The following NXF1 variants were observed in gnomAD, a reference collection of about 807,000 sequenced individuals.
NXF1 encodes the protein nuclear RNA export factor 1.
NXF1 carries 43 observed loss-of-function variants against 92.4 expected under a neutral mutation model. That is an observed-to-expected ratio of 0.47 (90% CI 0.36 to 0.60). The LOEUF (loss-of-function observed/expected upper bound fraction) is 0.60, where lower values mean the gene tolerates loss of function less well. NXF1 is among the 20% of genes least tolerant of loss of function. The probability of loss-of-function intolerance (pLI) is 0.00; values close to 1 mark genes in which losing one functional copy is unlikely to be tolerated. For missense variants in NXF1, 576 were observed against 793.0 expected (o/e 0.73, Z 3.29); for synonymous variants, 288 against 292.2 (o/e 0.99, Z 0.15).
rs1467806168 is a variant in NXF1 at position 62,795,941 on chromosome 11, G to A, written c.1464C>T (p.Ser488=). Residue 488 remains serine, a splice_region_variant and synonymous_variant, in exon 17 of 21, where the codon AGC becomes AGT. Transcript: ENST00000294172. ...CATTGACAGAAAAACACAGCAATGT[G>A]CTCTGAAAGAGAAGCAGCATCAGGT... ...SFVVDISAQT[S]TLLCFSVNGV... 3 of 1,613,814 alleles carry A rather than the reference G, an allele frequency of 1.9e-6. No homozygotes were observed. The highest frequency in any genetic ancestry group is 1.3e-5 in the African/African-American group (1 of 74,910).
chr11:62,800,621 T>G (rs955060031), intron 9 of NXF1, 135 bp from the exon 10 acceptor site: 40 of 561,282 alleles, frequency 7.1e-5, no homozygotes, highest in Middle Eastern at 4.9e-4. Context: ...TTTTTTTTTT[T>G]GGGACAGGGT....
At position 62,799,685 on chromosome 11, in the gene NXF1, G is replaced by C. The variant is rs887028394; in HGVS notation, c.1016+692C>G. 3 of 985,936 alleles carry C rather than the reference G, an allele frequency of 3.0e-6. No homozygotes were observed. In the African/African-American group the frequency reaches 5.2e-5, roughly 17 times the overall value. 61.1% of individuals were successfully genotyped at this position (985,936 alleles called of 1,614,324 possible). On this transcript the variant is annotated intron_variant, in intron 10 of 20. Transcript: ENST00000294172. Reference sequence around the variant, plus strand: ...TGTCTCCTTGGTAGCCTATGCCCCCGTGGCCTCCACGCCCAGCACCTGCCT... The same window carrying C: ...TGTCTCCTTGGTAGCCTATGCCCCCCTGGCCTCCACGCCCAGCACCTGCCT...
At chr11:62,802,499 C>T (rs766379940) in intron 3 of NXF1, among the ~76,000 whole-genome samples, 16 of 152,194 alleles carry the variant, frequency 1.1e-4, no homozygotes, top group Non-Finnish European at 1.6e-4. Flanking sequence ...TGCAGTGGTG[C>T]GATCATAGCT....
intron 9 of NXF1, 38 bp downstream of exon 9, chr11:62,801,056 C>T (rs1712453344): frequency 3.4e-6 from 5 of 1,476,240 alleles, no homozygotes; most frequent in Non-Finnish European, 3.8e-6. Context: ...ACCCTCTACC[C>T]ACCCCTTCAA....
intron 10 of NXF1, chr11:62,799,395 A>G: frequency 1.0e-6 from 1 of 985,684 alleles, no homozygotes; most frequent in Non-Finnish European, 1.2e-6. Context: ...TGGGAAGCAA[A>G]GCAGCCATGG....
chr11:62,792,363 G>A lies in NXF1; in HGVS notation c.*113C>T, dbSNP rs1590947063. 3.8e-6 allele frequency: 5 copies of A among 1,323,428 alleles called. No individual in the cohort carries two copies. In the Admixed American group the frequency reaches 5.0e-5, roughly 13 times the overall value. The allele number at this position is 1,323,428 out of a possible 1,614,324, so 82.0% of individuals were successfully genotyped here. ...GGATCAGGCAGCCCTCCCTCCCTCG[G>A]TCACAGTCACGGGGCGGCCTCGGGC... is the stretch of plus-strand genomic sequence containing the variant. On this transcript the variant is annotated 3_prime_UTR_variant, in exon 21 of 21. Transcript: ENST00000294172.
rs772387689 is a variant in NXF1 at position 62,802,004 on chromosome 11, C to T, written c.496G>A (p.Ala166Thr). 4.3e-6 allele frequency: 7 copies of T among 1,614,114 alleles called. No homozygotes were observed. Among genetic ancestry groups the T allele is most frequent in the African/African-American group, 2.7e-5 (2 of 74,940 alleles). The stretch of plus-strand genomic sequence containing the variant: ...GCCTTCAATGCAGAGGCAGTACTGG[C>T]GTCTTCAACGAAGAACTGGGCCCGT... ...NTRAQFFVED[A>T]STASALKAVN... The change falls in exon 5 of 21, where the codon GCC becomes ACC. Residue 166 changes from alanine (A) to threonine (T), a missense_variant. Ala to Thr is a moderately conservative substitution (Grantham distance 58). This residue lies in a region of NXF1 where 425 missense variants were observed against 635.2 expected (regional missense o/e 0.67). Coordinates refer to ENST00000294172, the MANE Select transcript of NXF1 (RefSeq NM_006362.5).
rs1347972598 is a variant in NXF1 at position 62,798,747 on chromosome 11, G to A, written c.1017-172C>T. The A allele has an allele frequency of 2.0e-5, 29 of 1,419,726 alleles. No individual in the cohort carries two copies. In the South Asian group the frequency reaches 3.4e-4, roughly 17 times the overall value. 87.9% of individuals were successfully genotyped at this position (1,419,726 alleles called of 1,614,324 possible). On this transcript the variant is annotated intron_variant, in intron 10 of 20. Coordinates refer to ENST00000294172, the MANE Select transcript of NXF1 (RefSeq NM_006362.5). ...ATGGCCCCCACTCCCCACCTGACCC[G>A]GGGCACCCAGACATGGACTGCCTTG...
In NXF1 at chr11:62,801,579, C is replaced by A; in HGVS notation, c.692G>T (p.Gly231Val). 1 of 1,614,114 alleles carries A rather than the reference C, an allele frequency of 6.2e-7. No individual in the cohort carries two copies. The highest frequency in any genetic ancestry group is 8.5e-7 in the Non-Finnish European group (1 of 1,180,022). The part of the protein sequence containing the change: ...DGSQQALDLK[G>V]LRSDPDLVAQ... ...AACCATACCTGGGTCTGAACGGAGG[C>A]CTTTGAGGTCAAGGGCTTGTTGGGA... The change falls in exon 7 of 21, where the codon GGC becomes GTC. Residue 231 changes from glycine (G) to valine (V), a missense_variant. By Grantham distance (109) the Gly-to-Val change is moderately radical. This residue lies in a region of NXF1 where 425 missense variants were observed against 635.2 expected (regional missense o/e 0.67). Transcript: ENST00000294172.
intron 19 of NXF1, among the ~76,000 whole-genome samples, chr11:62,793,945 G>C (rs2084394123): frequency 6.6e-6 from 1 of 150,836 alleles, no homozygotes; most frequent in Admixed American, 6.6e-5. Context: ...AGGTTACAAT[G>C]AGCCAAGATC....
intron 5 of NXF1, 47 bp downstream of exon 5, chr11:62,801,895 T>G (rs912658287): frequency 5.0e-6 from 8 of 1,607,106 alleles, no homozygotes; most frequent in Non-Finnish European, 6.8e-6. Context: ...GTCCCTGCTC[T>G]GAGCACCAAC....
rs536278127 is a variant in NXF1, at chr11:62,801,734, C to T, written c.639+5G>A. ...TTGGAAACATCTAATTTGAGCCTGC[C>T]TCACCTTTAGCTGTTCTACTTGTTC... On this transcript the variant is annotated splice_donor_5th_base_variant and intron_variant, in intron 6 of 20. Transcript: ENST00000294172. 33 of 1,613,406 alleles carry T rather than the reference C, an allele frequency of 2.0e-5. No individual in the cohort carries two copies. The South Asian group carries it at 3.5e-4, about 17-fold the overall frequency.
chr11:62,797,162 G>T (rs768336189), intron 13 of NXF1, 21 bp downstream of exon 13: 7 of 1,612,974 alleles, frequency 4.3e-6, no homozygotes, highest in South Asian at 2.2e-5. Flanking sequence ...GGGTGGGGAG[G>T]GGGGACCCTG....
In NXF1 at chr11:62,796,467, G is replaced by A; in HGVS notation, c.1279C>T (p.Pro427Ser). 6.2e-7 allele frequency: 1 copy of A among 1,614,096 alleles called. No homozygotes were observed. Among genetic ancestry groups the A allele is most frequent in the Non-Finnish European group, 8.5e-7 (1 of 1,179,984 alleles). Residue 427 changes from proline to serine, a missense_variant, in exon 14 of 21, where the codon CCT becomes TCT. This residue lies in a region of NXF1 where 425 missense variants were observed against 635.2 expected (regional missense o/e 0.67). Transcript: ENST00000294172. Reference sequence around the variant, plus strand: ...CTGGGATGTGATACTAACCGGGCAGGGTTCTGAGGAATGAAAGGAATGCTC... The same window carrying A: ...CTGGGATGTGATACTAACCGGGCAGAGTTCTGAGGAATGAAAGGAATGCTC... ...SLSIPFIPQNPARSSLAEYFK... is the reference protein window; with the variant it reads ...SLSIPFIPQNSARSSLAEYFK...
chr11:62,797,066 CAAAAAAAA>C, intron 13 of NXF1, 109 bp downstream of exon 13: 2 of 611,704 alleles, frequency 3.3e-6, no homozygotes, highest in Non-Finnish European at 5.1e-6. Flanking sequence ...AGACACTGTC[CAAAAAAAA>C]AAAAAAAAAC....
In NXF1 at chr11:62,801,753, C is replaced by T. The variant is rs760646749; in HGVS notation, c.625G>A (p.Val209Ile). 8 of 1,613,890 alleles carry T rather than the reference C, an allele frequency of 5.0e-6. No homozygotes were observed. Among genetic ancestry groups the T allele is most frequent in the Non-Finnish European group, 6.8e-6 (8 of 1,179,796 alleles). The change falls in exon 6 of 21, where the codon GTA (valine) becomes ATA (isoleucine). Residue 209 changes from valine (V) to isoleucine (I), a missense_variant. Around this residue, in one of 2 missense-constraint regions of NXF1, gnomAD observed 425 missense variants for 635.2 expected, o/e 0.67. Coordinates refer to ENST00000294172, the MANE Select transcript of NXF1 (RefSeq NM_006362.5). ...TILNELKPEQ[V>I]EQLKLIMSKR... ...GCCTGCCTCACCTTTAGCTGTTCTA[C>T]TTGTTCTGGCTTCAGTTCATTCAGT...
chr11:62,801,710 T>G (rs1182197572), intron 6 of NXF1, 29 bp downstream of exon 6: 1 of 1,611,202 alleles, frequency 6.2e-7, no homozygotes, highest in African/African-American at 1.3e-5. Context: ...AAGACTGGGT[T>G]GGAAACATCT....
chr11:62,805,421 C>T lies in NXF1; in HGVS notation c.-65G>A, dbSNP rs562046063. The T allele has an allele frequency of 2.2e-5, 35 of 1,604,468 alleles. No homozygotes were observed. In the African/African-American group the frequency reaches 4.0e-4, roughly 19 times the overall value. ...CTACGCCGGCAAACAACCTAACTCC[C>T]AAGCGCTCAGGACCGAAGTGTCCCT... On this transcript the variant is annotated 5_prime_UTR_variant, in exon 1 of 21. Transcript: ENST00000294172.
At chr11:62,795,850 C>T in intron 17 of NXF1, 51 bp downstream of exon 17, 1 of 1,555,778 alleles carries the variant, frequency 6.4e-7, no homozygotes, top group South Asian at 1.1e-5. Context: ...GAGGAAAATT[C>T]CAGCTGGGGG....
Sources: allele counts gnomAD v4.1 joint callset (sites outside exome capture counted in the v4.1 genomes callset), GRCh38; gene constraint gnomAD v4.1.1; regional missense constraint gnomAD v4.1.1; transcripts MANE v1.5; gene names NCBI Gene and HGNC (gene_info 2026-07-23, HGNC 2026-07-21).